Variants in STAB1 observed in about 807,000 individuals in gnomAD.
STAB1 encodes the protein stabilin-1.
In STAB1, 250 loss-of-function variants were observed where a neutral mutation model predicts 332.4. That is an observed-to-expected ratio of 0.75 (90% CI 0.68 to 0.84). The LOEUF (loss-of-function observed/expected upper bound fraction) is 0.84. Ranked by LOEUF, STAB1 falls within the 40% of genes least tolerant of loss-of-function variation. The probability of loss-of-function intolerance (pLI) is 0.00; values close to 1 mark genes in which losing one functional copy is unlikely to be tolerated. For missense variants in STAB1, 3,249 were observed against 3,489.7 expected, an observed-to-expected ratio of 0.93 and a Z score of 1.74; for synonymous variants, 1,475 against 1,390.4, an observed-to-expected ratio of 1.06 and a Z score of -1.35.
rs1411232602 is a variant in STAB1 at position 52,521,360 on chromosome 3, GCTTGCC to G, written c.5911_5916del (p.Cys1971_Pro1972del). ...CCTCACTTCTCCTACCCCATCCCCAGCTTGCCCTGGCGGCCCCAGCAGCCCTTGTAG... is the reference window on the plus strand; with the variant it reads ...CCTCACTTCTCCTACCCCATCCCCAGCTGGCGGCCCCAGCAGCCCTTGTAG... On this transcript the variant is annotated inframe_deletion and splice_region_variant, in exon 56 of 69. Transcript: ENST00000321725. 1 of 1,613,706 alleles carries G rather than the reference GCTTGCC, an allele frequency of 6.2e-7. No individual in the cohort carries two copies. The highest frequency in any genetic ancestry group is 8.5e-7 in the Non-Finnish European group (1 of 1,179,996).
At chr3:52,505,245 G>T in intron 13 of STAB1, 74 bp from the exon 14 acceptor site, 1 of 1,607,552 alleles carries the variant, frequency 6.2e-7, no homozygotes, top group Non-Finnish European at 8.5e-7. Context: ...CAGGGCTGGA[G>T]CGCAGCTTCT....
In STAB1 at chr3:52,521,425, C is replaced by T. The variant is rs369649176; in HGVS notation, c.5973C>T (p.Gly1991=). 1.2e-6 allele frequency: 2 copies of T among 1,614,020 alleles called. No individual in the cohort carries two copies. The highest frequency in any genetic ancestry group is 1.7e-6 in the Non-Finnish European group (2 of 1,180,020). The change falls in exon 56 of 69, where the codon GGC becomes GGT. Residue 1991 remains glycine (G), a synonymous_variant. Transcript: ENST00000321725. The part of the protein sequence containing the change: ...DRGVCMDGMS[G]SGQCLCRSGF... ...GCGTGTGCATGGACGGCATGAGTGG[C>T]AGTGGGCAGTGTCTGTGCCGTTCAG...
intron 59 of STAB1, 33 bp downstream of exon 59, chr3:52,522,263 G>A: frequency 6.2e-7 from 1 of 1,611,358 alleles, no homozygotes; most frequent in Non-Finnish European, 8.5e-7. Flanking sequence ...TAGCCAGGGT[G>A]GGGAGGCCTG....
At chr3:52,506,278 G>T in intron 17 of STAB1, 28 bp downstream of exon 17, 2 of 1,593,322 alleles carry the variant, frequency 1.3e-6, no homozygotes, top group East Asian at 2.3e-5. Context: ...CTGGGCGGAT[G>T]GTGGGGCTGG....
In STAB1 at chr3:52,520,960, T is replaced by C; in HGVS notation, c.5863T>C (p.Trp1955Arg). 1 of 1,579,104 alleles carries C rather than the reference T, an allele frequency of 6.3e-7. No homozygotes were observed. The highest frequency in any genetic ancestry group is 8.6e-7 in the Non-Finnish European group (1 of 1,162,732). The change falls in exon 55 of 69, where the codon TGG (tryptophan) becomes CGG (arginine). Residue 1955 changes from tryptophan to arginine, a missense_variant. By Grantham distance (101) the Trp-to-Arg change is moderately radical. Coordinates refer to ENST00000321725, the MANE Select transcript of STAB1 (RefSeq NM_015136.3). ...CCACCGCAATTGTGTCACCACCACC[T>C]GGAAGCCCAGCTGCTGCCCTGGTCA... The part of the protein sequence containing the change: ...GCHRNCVTTT[W>R]KPSCCPGHYG...
intron 35 of STAB1, 42 bp from the exon 36 acceptor site, chr3:52,514,947 C>T (rs2078808564): frequency 6.2e-6 from 10 of 1,612,458 alleles, no homozygotes; most frequent in Non-Finnish European, 8.5e-6. Flanking sequence ...GGGCAGGGAT[C>T]CAGGCCTGGA....
intron 30 of STAB1, among the ~76,000 whole-genome samples, 158 bp from the exon 31 acceptor site, chr3:52,513,559 G>C (rs1016439361): frequency 2.6e-5 from 4 of 152,196 alleles, no homozygotes; most frequent in African/African-American, 9.6e-5. Context: ...ATCAGAGTCA[G>C]CTCCTGGGAG....
chr3:52,517,076 G>C lies in STAB1; in HGVS notation c.4456G>C (p.Asp1486His), dbSNP rs953879719. 7 of 1,590,162 alleles carry C rather than the reference G, an allele frequency of 4.4e-6. No individual in the cohort carries two copies. Among genetic ancestry groups the C allele is most frequent in the Non-Finnish European group, 6.0e-6 (7 of 1,167,498 alleles). ...APGQRTCTCQ[D>H]GYMGDGELCQ... ...TGGGCAGCGGACATGCACCTGCCAG[G>C]ATGGCTACATGGGCGACGGGGAGCT... is the stretch of plus-strand genomic sequence containing the variant. Residue 1486 changes from aspartate (D) to histidine (H), a missense_variant, in exon 42 of 69, where the codon GAT (aspartate) becomes CAT (histidine). Transcript: ENST00000321725.
intron 1 of STAB1, among the ~76,000 whole-genome samples, chr3:52,500,385 G>A (rs1380142824): frequency 6.6e-6 from 1 of 152,232 alleles, no homozygotes; most frequent in Non-Finnish European, 1.5e-5. Context: ...GGCATGGCCC[G>A]TTGTCTCCTG....
rs2079091651 is a variant in STAB1, at chr3:52,522,077, G to C, written c.6312G>C (p.Glu2104Asp). 1 of 1,613,302 alleles carries C rather than the reference G, an allele frequency of 6.2e-7. No individual in the cohort carries two copies. Among genetic ancestry groups the C allele is most frequent in the African/African-American group, 1.3e-5 (1 of 75,062 alleles). Residue 2104 changes from glutamate (E) to aspartate (D), a missense_variant, in exon 59 of 69, where the codon GAG (glutamate) becomes GAC (aspartate). By Grantham distance (45) the Glu-to-Asp change is conservative. Transcript: ENST00000321725. The stretch of plus-strand genomic sequence containing the variant: ...AGGACGGGCATGGTGGCTGCAGTGA[G>C]CACGCCAACTGTAGCCAGGTAGGAA... ...LCQDGHGGCS[E>D]HANCSQVGTM...
At position 52,523,219 on chromosome 3, in the gene STAB1, C is replaced by A; in HGVS notation, c.7021-3C>A. 1 of 1,613,114 alleles carries A rather than the reference C, an allele frequency of 6.2e-7. No individual in the cohort carries two copies. Among genetic ancestry groups the A allele is most frequent in the South Asian group, 1.1e-5 (1 of 91,086 alleles). On this transcript the variant is annotated splice_region_variant and splice_polypyrimidine_tract_variant and intron_variant, in intron 63 of 68. Coordinates refer to ENST00000321725, the MANE Select transcript of STAB1 (RefSeq NM_015136.3). Reference sequence around the variant, plus strand: ...TCATAGTTCTGTCTTTCCACCGTGCCAGATGCTATTGGGCTATGCCAATGC... The same window carrying A: ...TCATAGTTCTGTCTTTCCACCGTGCAAGATGCTATTGGGCTATGCCAATGC...
intron 14 of STAB1, 113 bp from the exon 15 acceptor site, chr3:52,505,555 C>T: frequency 3.2e-6 from 4 of 1,231,976 alleles, no homozygotes; most frequent in Non-Finnish European, 4.6e-6. Flanking sequence ...TTGCCCATGT[C>T]TCCCCCTTAC....
chr3:52,515,367 T>C, intron 36 of STAB1, 56 bp from the exon 37 acceptor site: 1 of 1,550,912 alleles, frequency 6.4e-7, no homozygotes, highest in South Asian at 1.1e-5. Flanking sequence ...CCCCATTCAC[T>C]GCCCTGCCCC....
At chr3:52,495,796 G>A (rs977062832) in intron 1 of STAB1, among the ~76,000 whole-genome samples, 7 of 152,188 alleles carry the variant, frequency 4.6e-5, no homozygotes, top group African/African-American at 1.4e-4. Context: ...TGGCCCAGAC[G>A]GAGGCCCAGG....
At position 52,518,532 on chromosome 3, in the gene STAB1, G is replaced by T. The variant is rs1393652556; in HGVS notation, c.4810-4G>T. 2 of 1,582,322 alleles carry T rather than the reference G, an allele frequency of 1.3e-6. No homozygotes were observed. Among genetic ancestry groups the T allele is most frequent in the South Asian group, 1.1e-5 (1 of 87,362 alleles). On this transcript the variant is annotated splice_polypyrimidine_tract_variant and splice_region_variant and intron_variant, in intron 46 of 68. Transcript: ENST00000321725. Reference sequence around the variant, plus strand: ...TCCACTCATGCTGTTGCTGCCTCCCGCAGGAATATAAGGAGCTCAAGGGCG... The same window carrying T: ...TCCACTCATGCTGTTGCTGCCTCCCTCAGGAATATAAGGAGCTCAAGGGCG...
In STAB1 at chr3:52,517,012, G is replaced by C. The variant is rs770839242; in HGVS notation, c.4392G>C (p.Gly1464=). 1.2e-6 allele frequency: 2 copies of C among 1,609,138 alleles called. No homozygotes were observed. The highest frequency in any genetic ancestry group is 2.2e-5 in the South Asian group (2 of 90,542). ...SEVDPCAHGH[G]GCSPHANCTK... Reference sequence around the variant, plus strand: ...TGGACCCCTGCGCCCACGGCCATGGGGGCTGCTCCCCTCATGCCAACTGTA... The same window carrying C: ...TGGACCCCTGCGCCCACGGCCATGGCGGCTGCTCCCCTCATGCCAACTGTA... The change falls in exon 42 of 69, where the codon GGG becomes GGC. Residue 1464 remains glycine, a synonymous_variant. Transcript: ENST00000321725.
intron 46 of STAB1, 62 bp from the exon 47 acceptor site, chr3:52,518,474 A>G (rs1445735624): frequency 1.3e-6 from 2 of 1,562,026 alleles, no homozygotes; most frequent in Non-Finnish European, 1.7e-6. Flanking sequence ...GGTCTTCCCC[A>G]GGAGATCCAT....
At position 52,508,297 on chromosome 3, in the gene STAB1, T is replaced by C; in HGVS notation, c.2173T>C (p.Phe725Leu). The C allele has an allele frequency of 6.2e-7, 1 of 1,613,640 alleles. No homozygotes were observed. The part of the protein sequence containing the change: ...IMEQGCCKGF[F>L]GPDCTQCPGG... ...GGAACAAGGCTGCTGCAAAGGTTTT[T>C]TCGGGCCTGACTGCACGCAGTGTCC... is the stretch of plus-strand genomic sequence containing the variant. Residue 725 changes from phenylalanine to leucine, a missense_variant, in exon 21 of 69, where the codon TTC (phenylalanine) becomes CTC (leucine). Phe to Leu is a conservative substitution (Grantham distance 22, BLOSUM62 0). Transcript: ENST00000321725.
rs763358158 is a variant in STAB1, at chr3:52,512,343, C to T, written c.2886C>T (p.Ala962=). Residue 962 remains alanine (A), a splice_region_variant and synonymous_variant, in exon 27 of 69, where the codon GCC becomes GCT. Coordinates refer to ENST00000321725, the MANE Select transcript of STAB1 (RefSeq NM_015136.3). Reference sequence around the variant, plus strand: ...GCCCTTTCTCACTCCCACCCCAGGCCACCTGCCGGGCAGTGGGGGGAGGTC... The same window carrying T: ...GCCCTTTCTCACTCCCACCCCAGGCTACCTGCCGGGCAGTGGGGGGAGGTC... ...RAGNGGCHGL[A]TCRAVGGGQR... The T allele has an allele frequency of 1.4e-5, 23 of 1,612,900 alleles. No homozygotes were observed. Among genetic ancestry groups the T allele is most frequent in the South Asian group, 2.2e-5 (2 of 91,042 alleles).
Sources: allele counts gnomAD v4.1 joint callset (sites outside exome capture counted in the v4.1 genomes callset), GRCh38; gene constraint gnomAD v4.1.1; transcripts MANE v1.5; gene names NCBI Gene and HGNC (gene_info 2026-07-23, HGNC 2026-07-21).